The following DOCK8 variants were observed in gnomAD, a reference collection of about 807,000 sequenced individuals.
DOCK8 encodes dedicator of cytokinesis 8.
A neutral mutation model predicts 245.6 loss-of-function variants in DOCK8; 141 were observed. The observed-to-expected ratio is 0.57, with a 90% CI of 0.50 to 0.66. DOCK8 has a LOEUF of 0.66. DOCK8 is among the 30% of genes least tolerant of loss of function. DOCK8 has a pLI of 0.00. For synonymous variants in DOCK8, 1,168 were observed against 970.2 expected (o/e 1.20, Z -3.79); for missense variants, 2,965 against 2,603.4 (o/e 1.14, Z -3.02).
chr9:329,698 A>G (rs1057254459), intron 9 of DOCK8, among the ~76,000 whole-genome samples: 1 of 152,208 alleles, frequency 6.6e-6, no homozygotes, highest in Non-Finnish European at 1.5e-5. Context: ...AGAAGCCAAC[A>G]CTAGTTCTAT....
chr9:418,347 C>CT, intron 30 of DOCK8, 140 bp downstream of exon 30: 1 of 1,169,818 alleles, frequency 8.5e-7, no homozygotes, highest in Non-Finnish European at 1.3e-6. Flanking sequence ...TCTCAGTTCA[C>CT]TGCAACCTCC....
chr9:386,250 ATTC>A, intron 22 of DOCK8, 78 bp from the exon 23 acceptor site: 1 of 1,195,194 alleles, frequency 8.4e-7, no homozygotes, highest in Non-Finnish European at 1.2e-6. Flanking sequence ...AAAAAAATGA[ATTC>A]TGAGGTTGTG....
intron 14 of DOCK8, among the ~76,000 whole-genome samples, chr9:346,367 C>A (rs1019222566): frequency 1.3e-5 from 2 of 152,080 alleles, no homozygotes; most frequent in Non-Finnish European, 2.9e-5. Context: ...GGGCTGAGGC[C>A]AAGGCCCAGC....
intron 14 of DOCK8, among the ~76,000 whole-genome samples, chr9:344,398 T>C (rs1481146433): frequency 1.3e-5 from 2 of 152,196 alleles, no homozygotes. Flanking sequence ...CCTTGTGTGC[T>C]TTAGGGTGGT....
At chr9:281,689 A>G (rs1036404533) in intron 2 of DOCK8, among the ~76,000 whole-genome samples, 1 of 151,232 alleles carries the variant, frequency 6.6e-6, no homozygotes, top group African/African-American at 2.4e-5. Flanking sequence ...AGTAAAGCCT[A>G]CTCTTGAGAT....
In DOCK8 at chr9:420,489, G is replaced by T; in HGVS notation, c.3929G>T (p.Ser1310Ile). The T allele has an allele frequency of 6.2e-7, 1 of 1,614,146 alleles. No individual in the cohort carries two copies. The highest frequency in any genetic ancestry group is 8.5e-7 in the Non-Finnish European group (1 of 1,180,038). Residue 1310 changes from serine to isoleucine, a missense_variant, in exon 31 of 48, where the codon AGC (serine) becomes ATC (isoleucine). Coordinates refer to ENST00000432829, the MANE Select transcript of DOCK8 (RefSeq NM_203447.4). ...FLWIMKNADQ[S>I]LIRKWIADLP... Reference sequence around the variant, plus strand: ...TGGATCATGAAAAATGCTGATCAGAGCCTCATTAGGAAGTGGATTGCTGAC... The same window carrying T: ...TGGATCATGAAAAATGCTGATCAGATCCTCATTAGGAAGTGGATTGCTGAC...
chr9:353,458 C>G (rs934701878), intron 14 of DOCK8, among the ~76,000 whole-genome samples: 1 of 152,140 alleles, frequency 6.6e-6, no homozygotes, highest in Non-Finnish European at 1.5e-5. Flanking sequence ...GGGTAGAGAA[C>G]TAATAAAGGA....
At chr9:302,215 C>T (rs1048268067) in intron 4 of DOCK8, among the ~76,000 whole-genome samples, 11 of 152,178 alleles carry the variant, frequency 7.2e-5, no homozygotes, top group African/African-American at 2.7e-4. Context: ...GCCATCTGAT[C>T]TTTGACGAAG....
At chr9:283,456 A>AGCAAATGCAGTTTTG (rs2048676620) in intron 2 of DOCK8, among the ~76,000 whole-genome samples, 1 of 152,196 alleles carries the variant, frequency 6.6e-6, no homozygotes. Flanking sequence ...ACATGAATAT[A>AGCAAATGCAGTTTTG]CTGCATAGTG....
intron 26 of DOCK8, among the ~76,000 whole-genome samples, chr9:402,993 G>A (rs1014863714): frequency 2.6e-5 from 4 of 152,178 alleles, no homozygotes; most frequent in Admixed American, 6.5e-5. Flanking sequence ...AGGTTCAAGC[G>A]ATTCTCCTTC....
Position 379,894 on chromosome 9 carries a change from T to G in DOCK8, c.2564T>G (p.Val855Gly), listed in dbSNP as rs1480489366. ...CTGCTGGCTTCCTACGTGCACTACG[T>G]CTTCCGCCTGCCAGAGGTGCAAAGG... ...NCLLASYVHY[V>G]FRLPEVQRDV... Residue 855 changes from valine to glycine, a missense_variant, in exon 21 of 48, where the codon GTC becomes GGC. By Grantham distance (109) the Val-to-Gly change is moderately radical. Coordinates refer to ENST00000432829, the MANE Select transcript of DOCK8 (RefSeq NM_203447.4). 5.6e-6 allele frequency: 9 copies of G among 1,614,202 alleles called. No individual in the cohort carries two copies. The highest frequency in any genetic ancestry group is 7.6e-6 in the Non-Finnish European group (9 of 1,180,036).
intron 46 of DOCK8, chr9:457,108 G>A (rs1049675086): frequency 1.3e-5 from 2 of 149,648 alleles, no homozygotes; most frequent in African/African-American, 4.9e-5. Context: ...AATGTGTAGA[G>A]TGTAGGTGGA....
intron 26 of DOCK8, among the ~76,000 whole-genome samples, chr9:403,893 T>TATATATATATATATATATATATAC (rs2055242172): frequency 1.5e-5 from 1 of 65,632 alleles, no homozygotes; most frequent in Non-Finnish European, 2.5e-5. Flanking sequence ...TCTCTCTCTC[T>TATATATATATATATATATATATAC]ATATATATAT....
upstream of DOCK8, chr9:214,743 C>A: frequency 2.0e-6 from 3 of 1,521,330 alleles, no homozygotes; most frequent in Non-Finnish European, 1.8e-6. Context: ...GCCCTCCTCG[C>A]CCGCCGCTGC....
chr9:429,181 G>T (rs1323042680), intron 35 of DOCK8, among the ~76,000 whole-genome samples: 1 of 152,120 alleles, frequency 6.6e-6, no homozygotes, highest in Non-Finnish European at 1.5e-5. Flanking sequence ...TGGCCAGGCT[G>T]GTCTTGAACT....
Position 334,331 on chromosome 9 carries a change from TCTTCAATGTCTCCACC to T in DOCK8, c.1236_1251del (p.Phe412LeufsTer5). On this transcript the variant is annotated frameshift_variant, in exon 11 of 48. Coordinates refer to ENST00000432829, the MANE Select transcript of DOCK8 (RefSeq NM_203447.4). LOFTEE classifies it high-confidence loss of function. ...TGGGCACCCATAAGCTTATCAAGCTTCTTCAATGTCTCCACCCTTGAGAGGGAGGTAACTGATGTGG... is the reference window on the plus strand; with the variant it reads ...TGGGCACCCATAAGCTTATCAAGCTTCTTGAGAGGGAGGTAACTGATGTGG... 1 of 1,614,184 alleles carries T rather than the reference TCTTCAATGTCTCCACC, an allele frequency of 6.2e-7. No individual in the cohort carries two copies. The highest frequency in any genetic ancestry group is 8.5e-7 in the Non-Finnish European group (1 of 1,180,002).
chr9:461,525 G>T (rs1173418856), intron 46 of DOCK8, among the ~76,000 whole-genome samples: 2 of 121,730 alleles, frequency 1.6e-5, no homozygotes, highest in Non-Finnish European at 3.4e-5. Flanking sequence ...TTTAGCAACT[G>T]CATTTTTTTT....
chr9:409,791 C>A (rs13294881), intron 28 of DOCK8, among the ~76,000 whole-genome samples: 1 of 151,460 alleles, frequency 6.6e-6, no homozygotes, highest in Non-Finnish European at 1.5e-5. Flanking sequence ...TGAGAACATG[C>A]GGTGTTTGGT....
chr9:460,294 C>T (rs2057764750), intron 46 of DOCK8: 2 of 152,216 alleles, frequency 1.3e-5, no homozygotes, highest in South Asian at 2.1e-4. Flanking sequence ...GCTGCTGCTA[C>T]TTCTGCAAAC....
Sources: gnomAD v4.1 joint callset for allele counts (sites outside exome capture counted in the v4.1 genomes callset) on GRCh38, gnomAD v4.1.1 for gene constraint, MANE v1.5 for transcripts, NCBI Gene and HGNC (gene_info 2026-07-23, HGNC 2026-07-21) for gene names.